EPRS1: variants seen among roughly 807,000 people sequenced by gnomAD.
The protein encoded by EPRS1 is bifunctional glutamate/proline--tRNA ligase.
A neutral mutation model predicts 188.3 loss-of-function variants in EPRS1; 107 were observed. That is an observed-to-expected ratio of 0.57 (90% CI 0.49 to 0.67). The LOEUF (loss-of-function observed/expected upper bound fraction) is 0.67, where lower values mean the gene tolerates loss of function less well. EPRS1 is among the 30% of genes least tolerant of loss of function. EPRS1 has a pLI of 0.00. For missense variants in EPRS1, 1,577 were observed against 1,802.2 expected (o/e 0.88, Z 2.26); for synonymous variants, 596 against 593.1 (o/e 1.00, Z -0.07).
Position 219,980,864 on chromosome 1 carries a change from G to A in EPRS1, c.3454-7C>T. 1 of 1,597,672 alleles carries A rather than the reference G, an allele frequency of 6.3e-7. No individual in the cohort carries two copies. On this transcript the variant is annotated splice_region_variant and splice_polypyrimidine_tract_variant and intron_variant, in intron 24 of 31. Coordinates refer to ENST00000366923, the MANE Select transcript of EPRS1 (RefSeq NM_004446.3). ...GATGCTTGAATTCCCAACGCTGGAA[G>A]AGGCAAGAAAACAATTTAGTCATTA...
At chr1:220,019,408 A>G (rs1440716684) in intron 10 of EPRS1, among the ~76,000 whole-genome samples, 1 of 152,232 alleles carries the variant, frequency 6.6e-6, no homozygotes, top group Non-Finnish European at 1.5e-5. Flanking sequence ...CAAGGTCCCT[A>G]TTCCACATAG....
intron 25 of EPRS1, 102 bp from the exon 26 acceptor site, chr1:219,980,342 T>A: frequency 2.3e-6 from 2 of 852,082 alleles, no homozygotes. Flanking sequence ...GGAAAAGCAA[T>A]CTGAACAATA....
intron 12 of EPRS1, chr1:220,018,118 A>G: frequency 7.6e-7 from 1 of 1,320,932 alleles, no homozygotes; most frequent in Non-Finnish European, 9.9e-7. Context: ...AAAAGCATTA[A>G]GTAATACCTT....
chr1:219,972,458 T>C lies in EPRS1; in HGVS notation c.4245-311A>G, dbSNP rs140267340. ...TTAACACATTACCTATGGGAGTCTA[T>C]GTTATTTTTTAAACCTCCCTGGTCT... is the stretch of plus-strand genomic sequence containing the variant. On this transcript the variant is annotated intron_variant, in intron 29 of 31. Transcript: ENST00000366923. Among the ~76,000 whole-genome samples, 909 of 151,974 alleles carry C rather than the reference T, an allele frequency of 6.0e-3. 13 individuals carry two copies. The highest frequency in any genetic ancestry group is 0.02 in the African/African-American group (849 of 41,524).
chr1:220,044,196 A>T (rs1248611035), intron 1 of EPRS1, among the ~76,000 whole-genome samples: 1 of 152,262 alleles, frequency 6.6e-6, no homozygotes, highest in African/African-American at 2.4e-5. Flanking sequence ...TGCAACTATT[A>T]TTTTAAAATG....
Position 220,016,007 on chromosome 1 carries a change from G to A in EPRS1, c.1494+2442C>T, listed in dbSNP as rs138467979. The stretch of plus-strand genomic sequence containing the variant: ...AAAATGAAACTGAAAGTATACCTAA[G>A]GCATCTGAATATCTTGGTGGGAAAT... On this transcript the variant is annotated intron_variant, in intron 12 of 31. Coordinates refer to ENST00000366923, the MANE Select transcript of EPRS1 (RefSeq NM_004446.3). Among the ~76,000 whole-genome samples, 983 of 152,232 alleles carry A rather than the reference G, an allele frequency of 6.5e-3. 33 individuals carry two copies. Among genetic ancestry groups the A allele is most frequent in the Admixed American group, 0.058 (893 of 15,294 alleles).
intron 30 of EPRS1, 107 bp from the exon 31 acceptor site, chr1:219,969,229 C>G: frequency 1.3e-6 from 1 of 772,330 alleles, no homozygotes; most frequent in Non-Finnish European, 2.2e-6. Context: ...AAGGATAGGT[C>G]TCCCAACCTT....
intron 1 of EPRS1, among the ~76,000 whole-genome samples, chr1:220,042,647 C>T (rs1232866854): frequency 2.0e-5 from 3 of 152,000 alleles, no homozygotes; most frequent in African/African-American, 7.2e-5. Flanking sequence ...ACTGGCCGGG[C>T]GTGGTGGCTC....
Position 219,987,188 on chromosome 1 carries a change from A to G in EPRS1, c.2992T>C (p.Ser998Pro). 1 of 1,614,036 alleles carries G rather than the reference A, an allele frequency of 6.2e-7. No individual in the cohort carries two copies. The highest frequency in any genetic ancestry group is 8.5e-7 in the Non-Finnish European group (1 of 1,180,002). Residue 998 changes from serine to proline, a missense_variant, in exon 20 of 32, where the codon TCA (serine) becomes CCA (proline). Ser to Pro is a moderately conservative substitution (Grantham distance 74). Around this residue, in one of 3 missense-constraint regions of EPRS1, gnomAD observed 1,278 missense variants for 1,457.4 expected, o/e 0.88. Transcript: ENST00000366923. ...TGCCCTTCTCCTGCTCCACTTGATG[A>G]GAGCCCACCTCCTTGGTTTTTAGAA... Reference protein sequence around the residue: ...DPSKNQGGGLSSSGAGEGQGP... With the variant: ...DPSKNQGGGLPSSGAGEGQGP...
intron 2 of EPRS1, among the ~76,000 whole-genome samples, chr1:220,037,114 G>A (rs141366869): frequency 5.7e-4 from 86 of 151,916 alleles, no homozygotes; most frequent in African/African-American, 2.0e-3. Flanking sequence ...GTATCGCTAA[G>A]CCCAGGAGTT....
chr1:219,983,749 C>T (rs1274744832), intron 21 of EPRS1, among the ~76,000 whole-genome samples: 4 of 151,922 alleles, frequency 2.6e-5, no homozygotes, highest in South Asian at 2.1e-4. Context: ...AAAAATTAGC[C>T]GGGCGTGGTA....
At chr1:219,985,049 G>GAAAAAA (rs1305874124) in intron 20 of EPRS1, among the ~76,000 whole-genome samples, 2 of 95,210 alleles carry the variant, frequency 2.1e-5, no homozygotes, top group African/African-American at 6.9e-5. Flanking sequence ...CGTCTCAAAA[G>GAAAAAA]AAAAAAAAAA....
At chr1:220,018,710 C>T (rs1431100470) in intron 11 of EPRS1, among the ~76,000 whole-genome samples, 1 of 151,712 alleles carries the variant, frequency 6.6e-6, no homozygotes, top group Non-Finnish European at 1.5e-5. Context: ...AGTCTACAGA[C>T]TGCTCACAGT....
rs571845232 is a variant in EPRS1, at chr1:220,042,281, G to A, written c.47-2012C>T. On this transcript the variant is annotated intron_variant, in intron 1 of 31. Transcript: ENST00000366923. The stretch of plus-strand genomic sequence containing the variant: ...GCGGATTGCCTGAGCTCAGGAGTTC[G>A]AGACCAGCCTGGACAACATGGTGAA... 4.0e-5 allele frequency among the ~76,000 whole-genome samples: 6 copies of A among 151,176 alleles called. No individual in the cohort carries two copies. The East Asian group carries it at 5.9e-4, about 15-fold the overall frequency.
At chr1:220,024,051 C>A (rs1428129052) in intron 8 of EPRS1, among the ~76,000 whole-genome samples, 2 of 152,250 alleles carry the variant, frequency 1.3e-5, no homozygotes, top group East Asian at 3.9e-4. Flanking sequence ...ACTTGGGAGG[C>A]TGAGGCAGAA....
At chr1:220,018,962 A>G (rs1661800553) in intron 11 of EPRS1, 33 bp downstream of exon 11, 3 of 1,465,388 alleles carry the variant, frequency 2.0e-6, no homozygotes, top group Non-Finnish European at 2.9e-6. Flanking sequence ...TGAAATTTCA[A>G]ACAGACAAGC....
intron 5 of EPRS1, 35 bp downstream of exon 5, chr1:220,032,352 T>G: frequency 9.0e-7 from 1 of 1,107,066 alleles, no homozygotes; most frequent in South Asian, 1.8e-5. Flanking sequence ...TCCCAAAGTG[T>G]TTTTTTTTTT....
chr1:220,010,093 C>CAAAAAAA (rs3055587), intron 13 of EPRS1, among the ~76,000 whole-genome samples: 2 of 100,472 alleles, frequency 2.0e-5, no homozygotes, highest in Non-Finnish European at 3.8e-5. Flanking sequence ...GCAACTGTCT[C>CAAAAAAA]AAAAAAAAAA....
At chr1:219,986,642 C>G (rs997153815) in intron 20 of EPRS1, among the ~76,000 whole-genome samples, 18 of 152,096 alleles carry the variant, frequency 1.2e-4, no homozygotes, top group Non-Finnish European at 8.8e-5. Context: ...TATATTTAAA[C>G]TATCAATTTT....
Sources: gnomAD v4.1 joint callset for allele counts (sites outside exome capture counted in the v4.1 genomes callset) on GRCh38, gnomAD v4.1.1 for gene constraint, gnomAD v4.1.1 regional missense constraint, MANE v1.5 for transcripts, NCBI Gene and HGNC (gene_info 2026-07-23, HGNC 2026-07-21) for gene names.